The following KERA variants were observed in gnomAD, a reference collection of about 807,000 sequenced individuals.
KERA encodes the protein keratan sulfate proteoglycan keratocan.
Under a neutral mutation model 26.4 loss-of-function variants are expected in KERA, and 25 were observed. The ratio of observed to expected loss-of-function variants is 0.95; its 90% confidence interval spans 0.69 to 1.32. The LOEUF (loss-of-function observed/expected upper bound fraction) is 1.32, where lower values mean the gene tolerates loss of function less well. KERA is among the 40% of genes most tolerant of loss of function. The pLI, the probability that KERA is intolerant of heterozygous loss-of-function variation, is 0.00. For missense variants in KERA, 434 were observed against 408.9 expected (o/e 1.06, Z -0.53); for synonymous variants, 167 against 146.1 (o/e 1.14, Z -1.03).
In KERA at chr12:91,055,624, A is replaced by G; in HGVS notation, c.658T>C (p.Leu220=). The G allele has an allele frequency of 6.2e-7, 1 of 1,611,196 alleles. No homozygotes were observed. Among genetic ancestry groups the G allele is most frequent in the Non-Finnish European group, 8.5e-7 (1 of 1,178,110 alleles). ...ATTCCTTCAATGGAATTGTTGTCTAAAAACAACTGCATTGTATTGGCTGGT... is the reference window on the plus strand; with the variant it reads ...ATTCCTTCAATGGAATTGTTGTCTAGAAACAACTGCATTGTATTGGCTGGT... ...RLPANTMQLF[L]DNNSIEGIPE... Residue 220 remains leucine (L), a synonymous_variant, in exon 2 of 3, where the codon TTA becomes CTA. Transcript: ENST00000266719.
Position 91,051,478 on chromosome 12 carries a change from C to T in KERA, c.927G>A (p.Leu309=). The T allele has an allele frequency of 6.2e-7, 1 of 1,610,700 alleles. No homozygotes were observed. The highest frequency in any genetic ancestry group is 8.5e-7 in the Non-Finnish European group (1 of 1,177,664). ...VSVICPSPSM[L]PAERDSFSYG... ...AACTGAAGGAATCTCGTTCTGCAGG[C>T]AGCATGGATGGGCTGGGACATATTA... Residue 309 remains leucine, a synonymous_variant, in exon 3 of 3, where the codon CTG becomes CTA. Transcript: ENST00000266719.
At position 91,054,299 on chromosome 12, in the gene KERA, C is replaced by T. The variant is rs1168943487; in HGVS notation, c.886+1097G>A. Among the ~76,000 whole-genome samples, 5 of 151,476 alleles carry T rather than the reference C, an allele frequency of 3.3e-5. No individual in the cohort carries two copies. In the East Asian group the frequency reaches 5.8e-4, roughly 18 times the overall value. ...GCTTAAAAAGCTTTAGTGAGTAATA[C>T]CCAGGCAGCACAACCTTTTGACAAA... On this transcript the variant is annotated intron_variant, in intron 2 of 2. Coordinates refer to ENST00000266719, the MANE Select transcript of KERA (RefSeq NM_007035.4).
intron 2 of KERA, among the ~76,000 whole-genome samples, chr12:91,053,620 G>A (rs1878917504): frequency 6.6e-6 from 1 of 151,370 alleles, no homozygotes; most frequent in Admixed American, 6.6e-5. Context: ...GTAGGAAACA[G>A]CAACCTGGGT....
At chr12:91,056,843 A>G (rs962628590) in intron 1 of KERA, among the ~76,000 whole-genome samples, 7 of 151,010 alleles carry the variant, frequency 4.6e-5, no homozygotes, top group Non-Finnish European at 8.9e-5. Context: ...ATAAAAATGT[A>G]ATTAATCTGT....
chr12:91,056,104 T>C lies in KERA; in HGVS notation c.178A>G (p.Asn60Asp). ...GCAGGAATTTCTTTGAGACCTCTAT[T>C]TTCACAATATAAAGCAGTAGGAAAA... ...PSFPTALYCE[N>D]RGLKEIPAIP... The change falls in exon 2 of 3, where the codon AAT becomes GAT. Residue 60 changes from asparagine to aspartate, a missense_variant. Transcript: ENST00000266719. 6.2e-7 allele frequency: 1 copy of C among 1,609,816 alleles called. No individual in the cohort carries two copies. Among genetic ancestry groups the C allele is most frequent in the Non-Finnish European group, 8.5e-7 (1 of 1,177,834 alleles).
chr12:91,054,116 G>T (rs73195002), intron 2 of KERA, among the ~76,000 whole-genome samples: 6,634 of 151,014 alleles, frequency 0.044, 274 homozygotes, highest in South Asian at 0.17. Context: ...AAAAATAACC[G>T]CTATGATGGC....
At chr12:91,052,967 T>C (rs892286357) in intron 2 of KERA, among the ~76,000 whole-genome samples, 1 of 151,508 alleles carries the variant, frequency 6.6e-6, no homozygotes, top group Non-Finnish European at 1.5e-5. Context: ...TGTAGTTGAG[T>C]AAATAACATT....
At chr12:91,057,309 T>A (rs1238888768) in intron 1 of KERA, among the ~76,000 whole-genome samples, 1 of 149,142 alleles carries the variant, frequency 6.7e-6, no homozygotes, top group Non-Finnish European at 1.5e-5. Flanking sequence ...TACAAATAAT[T>A]ATTTTAACAG....
chr12:91,057,647 G>T (rs1879049266), intron 1 of KERA, 97 bp downstream of exon 1: 1 of 149,960 alleles, frequency 6.7e-6, no homozygotes, highest in Non-Finnish European at 1.5e-5. Flanking sequence ...TCAGAATAGG[G>T]TTTTGGTTTA....
At chr12:91,057,476 TA>T (rs1879041598) in intron 1 of KERA, among the ~76,000 whole-genome samples, 1 of 150,742 alleles carries the variant, frequency 6.6e-6, no homozygotes, top group South Asian at 2.1e-4. Flanking sequence ...TAGGAAAAGA[TA>T]AAGTCAACTT....
intron 2 of KERA, 85 bp downstream of exon 2, chr12:91,055,311 C>A (rs1878965108): frequency 8.3e-7 from 1 of 1,212,006 alleles, no homozygotes; most frequent in Non-Finnish European, 1.2e-6. Context: ...GAGGGGGCAA[C>A]ACATTTGCTC....
At chr12:91,053,151 C>T (rs1878907107) in intron 2 of KERA, among the ~76,000 whole-genome samples, 1 of 151,312 alleles carries the variant, frequency 6.6e-6, no homozygotes, top group South Asian at 2.1e-4. Flanking sequence ...GAAGCAAGTA[C>T]TTAAACAGTT....
intron 1 of KERA, among the ~76,000 whole-genome samples, chr12:91,057,161 A>C (rs1379826677): frequency 6.6e-6 from 1 of 150,414 alleles, no homozygotes; most frequent in Non-Finnish European, 1.5e-5. Flanking sequence ...ACAACCAAAA[A>C]CATATTTAGG....
intron 2 of KERA, among the ~76,000 whole-genome samples, chr12:91,053,168 C>T (rs1401902403): frequency 6.6e-6 from 1 of 151,276 alleles, no homozygotes; most frequent in East Asian, 1.9e-4. Flanking sequence ...AGTTTTGACA[C>T]AGTGTGATAT....
At chr12:91,053,488 A>C (rs142422015) in intron 2 of KERA, among the ~76,000 whole-genome samples, 2 of 151,404 alleles carry the variant, frequency 1.3e-5, no homozygotes, top group African/African-American at 4.8e-5. Context: ...ATATCACACA[A>C]GTTTCTCGCA....
Position 91,056,174 on chromosome 12 carries a change from A to C in KERA, c.108T>G (p.Thr36=). The C allele has an allele frequency of 6.2e-7, 1 of 1,610,390 alleles. No individual in the cohort carries two copies. The highest frequency in any genetic ancestry group is 1.1e-5 in the South Asian group (1 of 90,976). The part of the protein sequence containing the change: ...VYEVHDSDDW[T]IHDFECPMEC... Reference sequence around the variant, plus strand: ...CCATGGGACACTCGAAGTCATGAATAGTCCAATCATCTGAATCATGTACTT... The same window carrying C: ...CCATGGGACACTCGAAGTCATGAATCGTCCAATCATCTGAATCATGTACTT... Residue 36 remains threonine, a synonymous_variant, in exon 2 of 3, where the codon ACT becomes ACG. Coordinates refer to ENST00000266719, the MANE Select transcript of KERA (RefSeq NM_007035.4).
intron 2 of KERA, among the ~76,000 whole-genome samples, chr12:91,055,025 C>A (rs1040072302): frequency 6.6e-6 from 1 of 151,180 alleles, no homozygotes; most frequent in African/African-American, 2.4e-5. Flanking sequence ...ATCATATTTT[C>A]TTTATTACTA....
At chr12:91,053,495 C>T (rs998979326) in intron 2 of KERA, among the ~76,000 whole-genome samples, 5 of 151,204 alleles carry the variant, frequency 3.3e-5, no homozygotes, top group Non-Finnish European at 7.4e-5. Flanking sequence ...ACAAGTTTCT[C>T]GCAAGGATTA....
chr12:91,057,425 A>C (rs2120966562), intron 1 of KERA, among the ~76,000 whole-genome samples: 1 of 150,000 alleles, frequency 6.7e-6, no homozygotes, highest in African/African-American at 2.4e-5. Flanking sequence ...ACATTTATTG[A>C]ACTGATTGAT....
Sources: allele counts gnomAD v4.1 joint callset (sites outside exome capture counted in the v4.1 genomes callset), GRCh38; gene constraint gnomAD v4.1.1; transcripts MANE v1.5; gene names NCBI Gene and HGNC (gene_info 2026-07-23, HGNC 2026-07-21).